ARL17B: variants seen among roughly 807,000 people sequenced by gnomAD.
The protein encoded by ARL17B is ADP-ribosylation factor-like protein 17.
chr17:46,277,925 A>G (rs2049637270), intron 4 of ARL17B, among the ~76,000 whole-genome samples: 1 of 151,904 alleles, frequency 6.6e-6, no homozygotes, highest in Non-Finnish European at 1.5e-5. Flanking sequence ...TACGGACATG[A>G]GCCACCATGC....
chr17:46,289,792 T>A (rs1391194178), intron 4 of ARL17B, among the ~76,000 whole-genome samples: 2 of 152,280 alleles, frequency 1.3e-5, no homozygotes, highest in Non-Finnish European at 2.9e-5. Context: ...TTAATTTTTT[T>A]AATGAAGGGC....
At chr17:46,282,305 G>C (rs550407762) in intron 4 of ARL17B, among the ~76,000 whole-genome samples, 1 of 151,832 alleles carries the variant, frequency 6.6e-6, no homozygotes, top group African/African-American at 2.4e-5. Flanking sequence ...GGGTTTCACC[G>C]TGTTAGCCAG....
At chr17:46,280,774 AT>A (rs1471026417) in intron 4 of ARL17B, among the ~76,000 whole-genome samples, 4 of 151,950 alleles carry the variant, frequency 2.6e-5, no homozygotes, top group Admixed American at 1.3e-4. Flanking sequence ...AGGTTTTGCC[AT>A]GTTGGCCAGG....
intron 4 of ARL17B, among the ~76,000 whole-genome samples, chr17:46,280,441 A>C (rs546481393): frequency 8.5e-5 from 13 of 152,298 alleles, no homozygotes; most frequent in African/African-American, 3.1e-4. Flanking sequence ...TGGGAGGCCA[A>C]GGTTGGCGGG....
chr17:46,283,870 A>G (rs2049836647), intron 4 of ARL17B, among the ~76,000 whole-genome samples: 1 of 152,360 alleles, frequency 6.6e-6, no homozygotes, highest in South Asian at 2.1e-4. Context: ...GCAGATAAAC[A>G]CATGAACAAA....
At chr17:46,354,965 AAG>A (rs1288335006) in intron 2 of ARL17B, among the ~76,000 whole-genome samples, 1 of 60,110 alleles carries the variant, frequency 1.7e-5, no homozygotes, top group Non-Finnish European at 3.0e-5. Flanking sequence ...AGAAAAGAGG[AAG>A]AGAGAGACAG....
intron 4 of ARL17B, among the ~76,000 whole-genome samples, chr17:46,287,763 T>C (rs191299170): frequency 2.1e-3 from 323 of 152,244 alleles, no homozygotes; most frequent in Non-Finnish European, 3.4e-3. Context: ...CAAAGATAGT[T>C]ATCCAGAATC....
chr17:46,317,184 C>A (rs1331483466), intron 3 of ARL17B, among the ~76,000 whole-genome samples: 1 of 77,042 alleles, frequency 1.3e-5, no homozygotes, highest in African/African-American at 3.3e-5. Flanking sequence ...CCCAGACGGG[C>A]ATGCCCAGTT....
At chr17:46,281,565 G>A (rs2049763506) in intron 4 of ARL17B, among the ~76,000 whole-genome samples, 3 of 152,160 alleles carry the variant, frequency 2.0e-5, no homozygotes, top group African/African-American at 7.2e-5. Context: ...GAGTAGCTAG[G>A]ACTACAGGTG....
At chr17:46,279,740 C>T (rs1292575138) in intron 4 of ARL17B, among the ~76,000 whole-genome samples, 27 of 152,140 alleles carry the variant, frequency 1.8e-4, no homozygotes. Flanking sequence ...AAGCATCCTC[C>T]TGCCTCAGCC....
Position 46,289,377 on chromosome 17 carries a change from T to C in ARL17B, c.*21+10149A>G, listed in dbSNP as rs567022527. Reference sequence around the variant, plus strand: ...TTTGTAGAGATGGAGTCTTGCTGTGTTGCCCAGGTAACTTACCTCCTGAGC... The same window carrying C: ...TTTGTAGAGATGGAGTCTTGCTGTGCTGCCCAGGTAACTTACCTCCTGAGC... On this transcript the variant is annotated intron_variant, in intron 4 of 4. Transcript: ENST00000570618. Among the ~76,000 whole-genome samples, 92 of 152,296 alleles carry C rather than the reference T, an allele frequency of 6.0e-4. 1 individual carries two copies. The highest frequency in any genetic ancestry group is 9.3e-4 in the Non-Finnish European group (63 of 68,036).
intron 4 of ARL17B, among the ~76,000 whole-genome samples, chr17:46,287,237 A>G (rs1159440248): frequency 1.3e-5 from 2 of 152,256 alleles, no homozygotes; most frequent in Non-Finnish European, 2.9e-5. Context: ...ATTTGAAAAA[A>G]TAAACCACAC....
chr17:46,284,392 C>G (rs1358500529), intron 4 of ARL17B, among the ~76,000 whole-genome samples: 1 of 152,218 alleles, frequency 6.6e-6, no homozygotes, highest in Non-Finnish European at 1.5e-5. Context: ...TTGCACAGCC[C>G]TTAATTCATT....
At position 46,292,741 on chromosome 17, in the gene ARL17B, T is replaced by C. The variant is rs1242038487; in HGVS notation, c.*21+6785A>G. On this transcript the variant is annotated intron_variant, in intron 4 of 4. Coordinates refer to the ARL17B transcript ENST00000570618. ...ATTGCGCTACAGCTTTCGAAAACTA[T>C]AATGCCTTTCAAATATGGCTTATTG... The C allele has an allele frequency of 6.3e-5, 5 of 79,494 alleles. 1 individual carries two copies. The highest frequency in any genetic ancestry group is 1.6e-4 in the African/African-American group (5 of 31,122). The allele number at this position is 79,494 out of a possible 1,614,324, so 4.9% of individuals were successfully genotyped here.
intron 4 of ARL17B, among the ~76,000 whole-genome samples, chr17:46,275,837 T>G (rs2049571198): frequency 6.6e-6 from 1 of 152,102 alleles, no homozygotes; most frequent in South Asian, 2.1e-4. Context: ...AATTTTAAAA[T>G]CATATTTTTC....
chr17:46,310,392 TC>T (rs1183323079), intron 3 of ARL17B: 6 of 99,158 alleles, frequency 6.1e-5, no homozygotes, highest in African/African-American at 1.8e-4. Flanking sequence ...AGCTCTTAGT[TC>T]CCCTGTAATA....
At chr17:46,279,994 G>A (rs75033119) in intron 4 of ARL17B, among the ~76,000 whole-genome samples, 16,039 of 148,514 alleles carry the variant, frequency 0.11, no homozygotes, top group Non-Finnish European at 0.17. Context: ...ATTGCTTACC[G>A]CACAGCCTGC....
At position 46,289,638 on chromosome 17, in the gene ARL17B, C is replaced by A. The variant is rs572302070; in HGVS notation, c.*21+9888G>T. ...TACAAGTGTGAGCCACTGTGCCCAG[C>A]CAAAATCTGACACATTTATAAATTT... On this transcript the variant is annotated intron_variant, in intron 4 of 4. Coordinates refer to the ARL17B transcript ENST00000570618. Among the ~76,000 whole-genome samples, 26 of 152,248 alleles carry A rather than the reference C, an allele frequency of 1.7e-4. 1 individual carries two copies. Among genetic ancestry groups the A allele is most frequent in the African/African-American group, 6.0e-4 (25 of 41,536 alleles).
chr17:46,307,755 T>A (rs2143669961), intron 3 of ARL17B, among the ~76,000 whole-genome samples: 1 of 79,540 alleles, frequency 1.3e-5, no homozygotes, highest in African/African-American at 3.1e-5. Flanking sequence ...CGGTGGCTCA[T>A]GCCTGTAATT....
Sources: gnomAD v4.1 joint callset for allele counts (sites outside exome capture counted in the v4.1 genomes callset) on GRCh38, gnomAD v4.1.1 for gene constraint, MANE v1.5 for transcripts, NCBI Gene and HGNC (gene_info 2026-07-23, HGNC 2026-07-21) for gene names.